The following CDC42SE2 variants were observed in gnomAD, a reference collection of about 807,000 sequenced individuals.
CDC42SE2 encodes CDC42 small effector 2.
CDC42SE2 carries 3 observed loss-of-function variants against 11.5 expected under a neutral mutation model. The observed-to-expected ratio is 0.26, with a 90% CI of 0.12 to 0.67. The LOEUF is 0.67. Among genes scored for constraint, CDC42SE2 ranks in the 30% least tolerant of loss-of-function variants. The pLI is 0.80. For synonymous variants in CDC42SE2, 33 were observed against 34.8 expected (o/e 0.95, Z 0.18); for missense variants, 82 against 106.8 (o/e 0.77, Z 1.02).
chr5:131,345,166 GAGA>G (rs1286867840), intron 2 of CDC42SE2, among the ~76,000 whole-genome samples: 3 of 152,194 alleles, frequency 2.0e-5, no homozygotes, highest in Non-Finnish European at 4.4e-5. Flanking sequence ...GGCAAGTTGA[GAGA>G]AGAAGGCTTC....
At chr5:131,283,930 A>G (rs1213411997) in intron 1 of CDC42SE2, among the ~76,000 whole-genome samples, 2 of 152,228 alleles carry the variant, frequency 1.3e-5, no homozygotes, top group Non-Finnish European at 2.9e-5. Flanking sequence ...ATGAACATTC[A>G]TGTACAAGTT....
chr5:131,349,960 A>T (rs904691604), intron 2 of CDC42SE2, among the ~76,000 whole-genome samples: 4 of 152,148 alleles, frequency 2.6e-5, no homozygotes, highest in Non-Finnish European at 5.9e-5. Context: ...AATTTGTGAA[A>T]ACAAAAAACT....
At chr5:131,390,749 A>AAACT (rs1416603952) in intron 4 of CDC42SE2, among the ~76,000 whole-genome samples, 3 of 152,196 alleles carry the variant, frequency 2.0e-5, no homozygotes, top group African/African-American at 7.2e-5. Flanking sequence ...GTGAATTACA[A>AAACT]AACTGACTTT....
chr5:131,347,418 C>G (rs143645402), intron 2 of CDC42SE2, among the ~76,000 whole-genome samples: 9 of 152,046 alleles, frequency 5.9e-5, no homozygotes, highest in East Asian at 3.9e-4. Context: ...ATAAATTACT[C>G]GACACATACA....
chr5:131,313,005 C>G (rs186509531), intron 1 of CDC42SE2, among the ~76,000 whole-genome samples: 42 of 150,194 alleles, frequency 2.8e-4, no homozygotes, highest in African/African-American at 1.0e-3. Context: ...TTTTTTTAGA[C>G]GGAGTCTTGC....
chr5:131,275,291 T>C (rs924062327), intron 1 of CDC42SE2, among the ~76,000 whole-genome samples: 3 of 151,960 alleles, frequency 2.0e-5, no homozygotes, highest in African/African-American at 7.3e-5. Flanking sequence ...TTGGACTATA[T>C]TGTAATCTTT....
the CDC42SE2 span, among the ~76,000 whole-genome samples, chr5:131,211,576 T>G: frequency 6.6e-6 from 1 of 152,224 alleles, no homozygotes. Context: ...GTTAATTCTA[T>G]GAAGATACAT....
At chr5:131,219,872 G>A in the CDC42SE2 span, among the ~76,000 whole-genome samples, 2 of 152,144 alleles carry the variant, frequency 1.3e-5, no homozygotes, top group East Asian at 1.9e-4. Flanking sequence ...AGGGGGCAGA[G>A]GTTGCAGTGA....
chr5:131,288,426 T>C (rs1342591388), intron 1 of CDC42SE2, among the ~76,000 whole-genome samples: 2 of 152,198 alleles, frequency 1.3e-5, no homozygotes, highest in Non-Finnish European at 2.9e-5. Flanking sequence ...TATCAGCCTA[T>C]TGAGTAGTTT....
intron 1 of CDC42SE2, among the ~76,000 whole-genome samples, chr5:131,305,587 G>T (rs150653064): frequency 6.6e-6 from 1 of 152,202 alleles, no homozygotes; most frequent in East Asian, 1.9e-4. Context: ...TGGGTCCTTT[G>T]CCCGTTTTTT....
intron 1 of CDC42SE2, among the ~76,000 whole-genome samples, chr5:131,285,532 T>G (rs1757322123): frequency 6.6e-6 from 1 of 152,196 alleles, no homozygotes; most frequent in Non-Finnish European, 1.5e-5. Flanking sequence ...TCTTGTGTAT[T>G]TGACTTCTGA....
intron 1 of CDC42SE2, among the ~76,000 whole-genome samples, chr5:131,269,836 G>T (rs1369194334): frequency 6.6e-6 from 1 of 151,378 alleles, no homozygotes; most frequent in Non-Finnish European, 1.5e-5. Flanking sequence ...CGAGGTGGGT[G>T]GATCATCTGA....
At chr5:131,312,666 G>A (rs1462501886) in intron 1 of CDC42SE2, among the ~76,000 whole-genome samples, 1 of 152,168 alleles carries the variant, frequency 6.6e-6, no homozygotes, top group Non-Finnish European at 1.5e-5. Flanking sequence ...AAGCCCCTCG[G>A]AAAAGCACAG....
the CDC42SE2 span, among the ~76,000 whole-genome samples, chr5:131,239,836 G>A: frequency 6.6e-6 from 1 of 152,174 alleles, no homozygotes; most frequent in African/African-American, 2.4e-5. Flanking sequence ...ATCCCAAACA[G>A]AGTCCAGCTT....
chr5:131,309,493 A>G (rs985069316), intron 1 of CDC42SE2, among the ~76,000 whole-genome samples: 34 of 151,184 alleles, frequency 2.2e-4, no homozygotes, highest in East Asian at 1.4e-3. Flanking sequence ...CTCTTTTTCT[A>G]TTGATTGGAA....
At chr5:131,349,012 T>C (rs955132934) in intron 2 of CDC42SE2, among the ~76,000 whole-genome samples, 1 of 152,146 alleles carries the variant, frequency 6.6e-6, no homozygotes, top group Admixed American at 6.5e-5. Flanking sequence ...AAGACTTAAA[T>C]GTTAGACCTA....
chr5:131,328,528 C>A (rs1758343884), intron 2 of CDC42SE2, among the ~76,000 whole-genome samples: 1 of 152,126 alleles, frequency 6.6e-6, no homozygotes, highest in Non-Finnish European at 1.5e-5. Context: ...TGGATATTGT[C>A]TGTTTTACAT....
intron 2 of CDC42SE2, among the ~76,000 whole-genome samples, chr5:131,326,701 CTAT>C (rs1195164282): frequency 6.6e-6 from 1 of 152,034 alleles, no homozygotes; most frequent in Non-Finnish European, 1.5e-5. Flanking sequence ...TTTTGTTCTA[CTAT>C]TTTTATAAAT....
chr5:131,377,261 C>A (rs533730626), intron 3 of CDC42SE2, among the ~76,000 whole-genome samples: 1 of 151,716 alleles, frequency 6.6e-6, no homozygotes, highest in East Asian at 1.9e-4. Context: ...GTCTGCCTCC[C>A]GGGTTCAAAC....
Sources: gnomAD v4.1 joint callset for allele counts (sites outside exome capture counted in the v4.1 genomes callset) on GRCh38, gnomAD v4.1.1 for gene constraint, MANE v1.5 for transcripts, NCBI Gene and HGNC (gene_info 2026-07-23, HGNC 2026-07-21) for gene names.